The following FNDC1 variants were observed in gnomAD, a reference collection of about 807,000 sequenced individuals.
FNDC1 encodes fibronectin type III domain-containing protein 1.
FNDC1 carries 96 observed loss-of-function variants against 168.0 expected under a neutral mutation model. The observed-to-expected ratio is 0.57, with a 90% CI of 0.48 to 0.68. The LOEUF (loss-of-function observed/expected upper bound fraction) is 0.68, where lower values mean the gene tolerates loss of function less well. Among genes scored for constraint, FNDC1 ranks in the 30% least tolerant of loss-of-function variants. The probability of loss-of-function intolerance (pLI) is 0.00; values close to 1 mark genes in which losing one functional copy is unlikely to be tolerated. For missense variants in FNDC1, 2,587 were observed against 2,482.1 expected (o/e 1.04, Z -0.90); for synonymous variants, 1,099 against 1,025.9 (o/e 1.07, Z -1.36).
intron 21 of FNDC1, among the ~76,000 whole-genome samples, chr6:159,267,201 A>G (rs907924987): frequency 7.2e-5 from 11 of 151,972 alleles, no homozygotes; most frequent in African/African-American, 1.9e-4. Context: ...GCTTCTCCCA[A>G]CAAGTACGGT....
chr6:159,256,643 C>T lies in FNDC1; in HGVS notation c.5174+12C>T. 1 of 1,574,058 alleles carries T rather than the reference C, an allele frequency of 6.4e-7. No individual in the cohort carries two copies. Among genetic ancestry groups the T allele is most frequent in the Non-Finnish European group, 8.7e-7 (1 of 1,144,402 alleles). On this transcript the variant is annotated intron_variant, in intron 18 of 22. Transcript: ENST00000297267. The stretch of plus-strand genomic sequence containing the variant: ...AAGCCCAACACGAGGTACGATGTGT[C>T]AGTCATTTAGAAAAGATGAGATCCA...
At chr6:159,218,886 C>T (rs1782760052) in intron 5 of FNDC1, among the ~76,000 whole-genome samples, 1 of 152,056 alleles carries the variant, frequency 6.6e-6, no homozygotes, top group African/African-American at 2.4e-5. Flanking sequence ...CTTCCTTCTA[C>T]AAGTCACCAA....
At chr6:159,261,112 C>A in intron 18 of FNDC1, 78 bp from the exon 19 acceptor site, 1 of 1,056,886 alleles carries the variant, frequency 9.5e-7, no homozygotes, top group Non-Finnish European at 1.5e-6. Context: ...TTCAGGTGTT[C>A]AGTAGTTTGG....
In FNDC1 at chr6:159,232,379, C is replaced by CA. The variant is rs1783107703; in HGVS notation, c.1868dup (p.His623GlnfsTer19). 1 of 1,613,422 alleles carries CA rather than the reference C, an allele frequency of 6.2e-7. No homozygotes were observed. The highest frequency in any genetic ancestry group is 8.5e-7 in the Non-Finnish European group (1 of 1,179,678). ...CTCGGCTTCGGCCTCTCCTGCCCAC[C>CA]ACGCGTCCACCCAGGGCACCTCTCA... On this transcript the variant is annotated frameshift_variant, in exon 11 of 23. Coordinates refer to ENST00000297267, the MANE Select transcript of FNDC1 (RefSeq NM_032532.3). LOFTEE classifies it high-confidence loss of function. This position sits in a 1 kb window ranked among gnomAD's most constrained non-coding sequence, Gnocchi z 4.9.
Position 159,233,812 on chromosome 6 carries a change from C to T in FNDC1, c.3300C>T (p.Ala1100=). ...DVRAPAHAAR[A]KEAAASLPKH... ...GGGCCCCCGCGCACGCCGCGCGCGC[C>T]AAGGAGGCAGCTGCGTCCCTTCCCA... Residue 1100 remains alanine, a synonymous_variant, in exon 11 of 23, where the codon GCC becomes GCT. Transcript: ENST00000297267. The surrounding 1 kb of genome is among the most constrained non-coding windows in gnomAD (Gnocchi z 4.6). The T allele has an allele frequency of 6.5e-7, 1 of 1,539,062 alleles. No homozygotes were observed. The highest frequency in any genetic ancestry group is 8.8e-7 in the Non-Finnish European group (1 of 1,141,954).
intron 4 of FNDC1, among the ~76,000 whole-genome samples, chr6:159,204,915 G>A (rs1184717423): frequency 6.6e-6 from 1 of 152,166 alleles, no homozygotes; most frequent in Admixed American, 6.5e-5. Context: ...CTTCTAGTAG[G>A]TGACTTGCTT....
chr6:159,243,675 A>G (rs989330389), intron 14 of FNDC1, among the ~76,000 whole-genome samples: 9 of 152,230 alleles, frequency 5.9e-5, no homozygotes, highest in Admixed American at 3.9e-4. Context: ...CCAGTTTTAC[A>G]TAGTTCTGAA....
At chr6:159,239,132 T>G (rs902549428) in intron 13 of FNDC1, among the ~76,000 whole-genome samples, 3 of 152,240 alleles carry the variant, frequency 2.0e-5, no homozygotes, top group African/African-American at 7.2e-5. Context: ...AACTCATTTT[T>G]TATGTGTTGT....
In FNDC1 at chr6:159,232,416, T is replaced by G. The variant is rs773454507; in HGVS notation, c.1904T>G (p.Leu635Arg). Reference sequence around the variant, plus strand: ...CAGGGCACCTCTCATCGTCCTTCCCTGCCTGCCAGCTTGAATGACAACGAC... The same window carrying G: ...CAGGGCACCTCTCATCGTCCTTCCCGGCCTGCCAGCTTGAATGACAACGAC... ...STQGTSHRPSLPASLNDNDLV... is the reference protein window; with the variant it reads ...STQGTSHRPSRPASLNDNDLV... Residue 635 changes from leucine (L) to arginine (R), a missense_variant, in exon 11 of 23, where the codon CTG becomes CGG. Physicochemically the swap from Leu to Arg is moderately radical, Grantham distance 102. Coordinates refer to ENST00000297267, the MANE Select transcript of FNDC1 (RefSeq NM_032532.3). The surrounding 1 kb of genome is among the most constrained non-coding windows in gnomAD (Gnocchi z 4.9). 4 of 1,611,974 alleles carry G rather than the reference T, an allele frequency of 2.5e-6. No individual in the cohort carries two copies. The highest frequency in any genetic ancestry group is 3.4e-6 in the Non-Finnish European group (4 of 1,178,594).
intron 1 of FNDC1, among the ~76,000 whole-genome samples, chr6:159,197,034 T>C (rs956476965): frequency 6.6e-6 from 1 of 152,224 alleles, no homozygotes. Flanking sequence ...TCCGAGACGT[T>C]TAAAGATTGT....
chr6:159,226,118 G>A (rs1782951196), intron 8 of FNDC1, among the ~76,000 whole-genome samples: 1 of 152,174 alleles, frequency 6.6e-6, no homozygotes, highest in Non-Finnish European at 1.5e-5. Context: ...ATTTTGGTCT[G>A]TATCCAAGGC....
At chr6:159,174,247 A>G (rs1373531875) in intron 1 of FNDC1, among the ~76,000 whole-genome samples, 2 of 152,232 alleles carry the variant, frequency 1.3e-5, no homozygotes, top group African/African-American at 4.8e-5. Context: ...ACAGTGGTGG[A>G]TACTGTTTCA....
intron 5 of FNDC1, among the ~76,000 whole-genome samples, chr6:159,220,205 A>T (rs1226919288): frequency 6.6e-6 from 1 of 152,172 alleles, no homozygotes; most frequent in Admixed American, 6.5e-5. Flanking sequence ...ACTGTCCATA[A>T]ACAGTCCCTC....
At chr6:159,263,378 T>C (rs1777528847) in intron 19 of FNDC1, among the ~76,000 whole-genome samples, 1 of 152,194 alleles carries the variant, frequency 6.6e-6, no homozygotes, top group African/African-American at 2.4e-5. Context: ...ATAGGATACA[T>C]ATCCTAAAAC....
chr6:159,239,622 T>C lies in FNDC1; in HGVS notation c.4286T>C (p.Leu1429Pro). Residue 1429 changes from leucine (L) to proline (P), a missense_variant, in exon 14 of 23, where the codon CTT becomes CCT. Leu to Pro is a moderately conservative substitution (Grantham distance 98, BLOSUM62 -3). Transcript: ENST00000297267. ...ANAQDKPILSLGGKPLVGLEV... is the reference protein window; with the variant it reads ...ANAQDKPILSPGGKPLVGLEV... ...GCCCAAGATAAGCCAATTTTGAGTC[T>C]TGGAGGAAAGCCGCTGGTGGGCTTG... 1 of 1,568,006 alleles carries C rather than the reference T, an allele frequency of 6.4e-7. No individual in the cohort carries two copies. Among genetic ancestry groups the C allele is most frequent in the African/African-American group, 1.3e-5 (1 of 74,086 alleles).
intron 5 of FNDC1, among the ~76,000 whole-genome samples, chr6:159,216,380 A>G (rs1329579734): frequency 2.0e-5 from 3 of 152,226 alleles, no homozygotes; most frequent in Admixed American, 2.0e-4. Context: ...GGGAATGCTG[A>G]TGGGAACCTT....
intron 6 of FNDC1, among the ~76,000 whole-genome samples, chr6:159,221,902 T>C (rs1782833323): frequency 6.6e-6 from 1 of 152,236 alleles, no homozygotes; most frequent in Non-Finnish European, 1.5e-5. Context: ...TACATTTCAC[T>C]GTTTATTTTG....
rs773049596 is a variant in FNDC1, at chr6:159,226,485, C to T, written c.1085C>T (p.Ala362Val). 1 of 1,611,796 alleles carries T rather than the reference C, an allele frequency of 6.2e-7. No homozygotes were observed. The highest frequency in any genetic ancestry group is 1.1e-5 in the South Asian group (1 of 90,330). Residue 362 changes from alanine to valine, a missense_variant, in exon 9 of 23, where the codon GCT becomes GTT. By Grantham distance (64) the Ala-to-Val change is moderately conservative. Transcript: ENST00000297267. ...QRTPESAPTT[A>V]PENLNVWPVN... ...TGTCATTTTGTAGCCCCTACCACAG[C>T]TCCTGAAAACTTGAACGTCTGGCCA...
At chr6:159,256,216 T>C (rs1183266409) in intron 17 of FNDC1, among the ~76,000 whole-genome samples, 1 of 152,210 alleles carries the variant, frequency 6.6e-6, no homozygotes, top group Admixed American at 6.5e-5. Flanking sequence ...CTTTTGTTTT[T>C]CTCTGTGTGA....
Sources: gnomAD v4.1 joint callset for allele counts (sites outside exome capture counted in the v4.1 genomes callset) on GRCh38, gnomAD v4.1.1 for gene constraint, Gnocchi (gnomAD v3.1) non-coding constraint, MANE v1.5 for transcripts, NCBI Gene and HGNC (gene_info 2026-07-23, HGNC 2026-07-21) for gene names.